The following KCNG3 variants were observed in gnomAD, a reference collection of about 807,000 sequenced individuals.
The protein encoded by KCNG3 is voltage-gated potassium channel regulatory subunit KCNG3.
KCNG3 carries 15 observed loss-of-function variants against 29.0 expected under a neutral mutation model. The observed-to-expected ratio is 0.52, with a 90% CI of 0.35 to 0.80. The LOEUF (loss-of-function observed/expected upper bound fraction) is 0.80. Ranked by LOEUF, KCNG3 falls within the 30% of genes least tolerant of loss-of-function variation. The pLI is 0.01. For synonymous variants in KCNG3, 322 were observed against 248.9 expected (o/e 1.29, Z -2.76); for missense variants, 512 against 605.7 (o/e 0.85, Z 1.62).
intron 1 of KCNG3, among the ~76,000 whole-genome samples, chr2:42,461,190 A>AAC (rs1572849715): frequency 6.8e-6 from 1 of 147,860 alleles, no homozygotes; most frequent in African/African-American, 2.6e-5. Flanking sequence ...AACAAAAAAA[A>AAC]AAAAAAAAAA....
chr2:42,469,969 A>C (rs997818734), intron 1 of KCNG3: 4 of 445,078 alleles, frequency 9.0e-6, no homozygotes, highest in Non-Finnish European at 1.6e-5. Flanking sequence ...AACCGGTGTG[A>C]TACAGAGAGA....
At chr2:42,448,423 T>G (rs1044747572) in intron 1 of KCNG3, among the ~76,000 whole-genome samples, 6 of 151,964 alleles carry the variant, frequency 3.9e-5, no homozygotes, top group South Asian at 2.1e-4. Context: ...GTTCCTAATT[T>G]TTTTCCCCCA....
intron 1 of KCNG3, among the ~76,000 whole-genome samples, chr2:42,473,564 G>A (rs1553330178): frequency 6.6e-6 from 1 of 151,496 alleles, no homozygotes; most frequent in Non-Finnish European, 1.5e-5. Context: ...TGGCCAGGCT[G>A]GTCTCGAACT....
the KCNG3 span, among the ~76,000 whole-genome samples, chr2:42,414,492 G>C: frequency 6.6e-6 from 1 of 150,542 alleles, no homozygotes; most frequent in African/African-American, 2.4e-5. Flanking sequence ...CTTTTAAGAG[G>C]ATTCTCTTTA....
At chr2:42,456,962 A>AT (rs150038478) in intron 1 of KCNG3, among the ~76,000 whole-genome samples, 4 of 152,138 alleles carry the variant, frequency 2.6e-5, no homozygotes, top group Admixed American at 2.0e-4. Context: ...AAAAAACATG[A>AT]TTTTTTTCTT....
At chr2:42,434,400 A>C in the KCNG3 span, among the ~76,000 whole-genome samples, 1 of 132,700 alleles carries the variant, frequency 7.5e-6, no homozygotes, top group East Asian at 2.4e-4. Context: ...TTGAGGTTGC[A>C]ATGAGGAGTG....
At chr2:42,480,135 T>C (rs1355120671) in intron 1 of KCNG3, among the ~76,000 whole-genome samples, 1 of 152,230 alleles carries the variant, frequency 6.6e-6, no homozygotes, top group African/African-American at 2.4e-5. Flanking sequence ...CATGATTCAA[T>C]AAGTTCTAAT....
chr2:42,462,207 A>G (rs2103691332), intron 1 of KCNG3, among the ~76,000 whole-genome samples: 2 of 152,322 alleles, frequency 1.3e-5, no homozygotes, highest in East Asian at 3.9e-4. Flanking sequence ...GAGCTCCTGG[A>G]AGCTATTTCA....
chr2:42,439,744 T>A (rs1261878891), downstream of KCNG3, among the ~76,000 whole-genome samples: 1 of 151,906 alleles, frequency 6.6e-6, no homozygotes, highest in Non-Finnish European at 1.5e-5. Context: ...CCTCCCTGGT[T>A]CAAGTGATTC....
chr2:42,421,010 G>C, the KCNG3 span, among the ~76,000 whole-genome samples: 1 of 152,138 alleles, frequency 6.6e-6, no homozygotes, highest in African/African-American at 2.4e-5. Context: ...TTATGAGTAA[G>C]AATGACTCAC....
chr2:42,453,781 C>T (rs1031705781), intron 1 of KCNG3, among the ~76,000 whole-genome samples: 3 of 152,076 alleles, frequency 2.0e-5, no homozygotes, highest in African/African-American at 7.2e-5. Context: ...GAAATCTTTG[C>T]CTACTTGAAT....
chr2:42,445,250 G>A (rs971817177), intron 1 of KCNG3, among the ~76,000 whole-genome samples: 2 of 152,054 alleles, frequency 1.3e-5, no homozygotes, highest in African/African-American at 4.8e-5. Context: ...TACTCTTGCA[G>A]GACAGTGGTT....
At chr2:42,447,280 A>G (rs1672624119) in intron 1 of KCNG3, among the ~76,000 whole-genome samples, 1 of 150,640 alleles carries the variant, frequency 6.6e-6, no homozygotes. Context: ...GTATATATAT[A>G]TACATACAGA....
At chr2:42,420,885 T>A in the KCNG3 span, among the ~76,000 whole-genome samples, 2 of 152,212 alleles carry the variant, frequency 1.3e-5, no homozygotes, top group Non-Finnish European at 2.9e-5. Context: ...TTAGACATAT[T>A]GACCATTTAA....
In KCNG3 at chr2:42,442,789, T is replaced by C. The variant is rs1465529918; in HGVS notation, c.*1145A>G. ...TCCTAATAATCTAGCCAGATTAACA[T>C]GGCATATTAGTCAGTATTCTTACAA... On this transcript the variant is annotated 3_prime_UTR_variant, in exon 2 of 2. Transcript: ENST00000306078. 6.6e-6 allele frequency: 1 copy of C among 152,232 alleles called. No homozygotes were observed. Among genetic ancestry groups the C allele is most frequent in the Non-Finnish European group, 1.5e-5 (1 of 68,032 alleles). 9.4% of individuals were successfully genotyped at this position (152,232 alleles called of 1,614,324 possible).
rs533302595 is a variant in KCNG3 at position 42,469,291 on chromosome 2, C to A, written c.665+23546G>T. On this transcript the variant is annotated intron_variant, in intron 1 of 1. Transcript: ENST00000306078. Reference sequence around the variant, plus strand: ...AATTAGCCAGGTGTGGTGGTGCATGCCTGTAATCCCAGCTACTCAGGAGGC... The same window carrying A: ...AATTAGCCAGGTGTGGTGGTGCATGACTGTAATCCCAGCTACTCAGGAGGC... 3.3e-5 allele frequency among the ~76,000 whole-genome samples: 5 copies of A among 151,916 alleles called. No homozygotes were observed. In the East Asian group the frequency reaches 7.8e-4, roughly 24 times the overall value.
intron 1 of KCNG3, among the ~76,000 whole-genome samples, chr2:42,475,607 G>T (rs1164630051): frequency 6.7e-6 from 1 of 150,132 alleles, no homozygotes; most frequent in South Asian, 2.1e-4. Context: ...TGTGATTACA[G>T]GCATGAGCTG....
chr2:42,449,069 A>T (rs539063665), intron 1 of KCNG3, among the ~76,000 whole-genome samples: 8 of 152,212 alleles, frequency 5.3e-5, no homozygotes, highest in African/African-American at 1.9e-4. Flanking sequence ...GGACTTGAGT[A>T]TGTTCAGATT....
At chr2:42,449,596 C>T (rs1672698677) in intron 1 of KCNG3, among the ~76,000 whole-genome samples, 1 of 146,086 alleles carries the variant, frequency 6.8e-6, no homozygotes. Flanking sequence ...TGGCTCACTG[C>T]AACCTCCACC....
Sources: allele counts gnomAD v4.1 joint callset (sites outside exome capture counted in the v4.1 genomes callset), GRCh38; gene constraint gnomAD v4.1.1; transcripts MANE v1.5; gene names NCBI Gene and HGNC (gene_info 2026-07-23, HGNC 2026-07-21).